The following TTC28 variants were observed in gnomAD, a reference collection of about 807,000 sequenced individuals.
TTC28 encodes the protein tetratricopeptide repeat domain 28.
TTC28 carries 61 observed loss-of-function variants against 198.0 expected under a neutral mutation model. The ratio of observed to expected loss-of-function variants is 0.31; its 90% confidence interval spans 0.25 to 0.38. The LOEUF is 0.38. TTC28 is among the 10% of genes least tolerant of loss of function. The pLI is 1.00. For missense variants in TTC28, 2,678 were observed against 3,164.0 expected (o/e 0.85, Z 3.69); for synonymous variants, 1,171 against 1,297.8 (o/e 0.90, Z 2.10).
intron 2 of TTC28, among the ~76,000 whole-genome samples, chr22:28,485,299 G>A (rs1486075576): frequency 6.6e-6 from 1 of 152,124 alleles, no homozygotes; most frequent in East Asian, 1.9e-4. Flanking sequence ...TTAGTTACAT[G>A]AAAGTCAACA....
intron 2 of TTC28, among the ~76,000 whole-genome samples, chr22:28,612,458 G>A (rs2050835010): frequency 6.6e-6 from 1 of 152,132 alleles, no homozygotes. Flanking sequence ...CTTGAACTCA[G>A]CTCTGGACCA....
At chr22:28,089,715 A>T (rs187667317) in intron 12 of TTC28, among the ~76,000 whole-genome samples, 8 of 150,924 alleles carry the variant, frequency 5.3e-5, no homozygotes, top group Admixed American at 1.3e-4. Context: ...TAAAAAAAAT[A>T]AAGGTTTTCA....
intron 6 of TTC28, among the ~76,000 whole-genome samples, chr22:28,152,339 C>T (rs1371377861): frequency 6.6e-6 from 1 of 152,112 alleles, no homozygotes; most frequent in Non-Finnish European, 1.5e-5. Flanking sequence ...CCTTTTTCAT[C>T]TTCTTGTGGA....
At chr22:28,263,866 T>C (rs561907774) in intron 5 of TTC28, among the ~76,000 whole-genome samples, 1 of 152,090 alleles carries the variant, frequency 6.6e-6, no homozygotes, top group Non-Finnish European at 1.5e-5. Context: ...AATTAGGAGC[T>C]GGATCACAGA....
intron 5 of TTC28, among the ~76,000 whole-genome samples, chr22:28,213,601 T>C (rs1288706792): frequency 2.5e-5 from 3 of 122,076 alleles, no homozygotes; most frequent in Non-Finnish European, 5.0e-5. Flanking sequence ...CAAGGAGAAC[T>C]ACAAACCACT....
At chr22:28,190,401 G>C (rs2147124729) in intron 5 of TTC28, among the ~76,000 whole-genome samples, 1 of 152,308 alleles carries the variant, frequency 6.6e-6, no homozygotes, top group South Asian at 2.1e-4. Flanking sequence ...TCCAGCTCAA[G>C]ATCTTATGCT....
At chr22:28,376,412 T>G (rs1601710507) in intron 2 of TTC28, among the ~76,000 whole-genome samples, 1 of 152,228 alleles carries the variant, frequency 6.6e-6, no homozygotes, top group Non-Finnish European at 1.5e-5. Flanking sequence ...CTTCATTTTA[T>G]AGATGAGTAA....
Position 28,093,900 on chromosome 22 carries a change from C to T in TTC28, c.3932+180G>A, listed in dbSNP as rs142320610. ...AATCACCAAAAAGAATAAAGACAGA[C>T]CACTAAGGGGCTTACACTCCAGAGA... is the stretch of plus-strand genomic sequence containing the variant. On this transcript the variant is annotated intron_variant, in intron 12 of 22. Transcript: ENST00000397906. 1.2e-4 allele frequency among the ~76,000 whole-genome samples: 19 copies of T among 152,310 alleles called. No homozygotes were observed. The East Asian group carries it at 3.7e-3, about 29-fold the overall frequency.
At chr22:28,634,361 T>G (rs1437532384) in intron 1 of TTC28, among the ~76,000 whole-genome samples, 9 of 151,812 alleles carry the variant, frequency 5.9e-5, no homozygotes, top group Non-Finnish European at 1.3e-4. Flanking sequence ...AATACTAAAA[T>G]TAGCTGGCCG....
chr22:28,052,885 C>T (rs896711051), intron 12 of TTC28, among the ~76,000 whole-genome samples: 8 of 152,136 alleles, frequency 5.3e-5, no homozygotes, highest in Admixed American at 2.6e-4. Context: ...AAGTCTTCTC[C>T]GACACAACAG....
chr22:28,541,481 C>T (rs1051595495), intron 2 of TTC28, among the ~76,000 whole-genome samples: 7 of 152,118 alleles, frequency 4.6e-5, no homozygotes, highest in Non-Finnish European at 8.8e-5. Context: ...AATTGCCTGC[C>T]AGAACAAAGC....
At chr22:28,517,910 T>C (rs1468825289) in intron 2 of TTC28, among the ~76,000 whole-genome samples, 1 of 152,138 alleles carries the variant, frequency 6.6e-6, no homozygotes, top group Non-Finnish European at 1.5e-5. Flanking sequence ...GAAGTTTTAA[T>C]TTTTTTAACA....
chr22:28,083,968 G>A (rs150578762), intron 12 of TTC28, among the ~76,000 whole-genome samples: 4,889 of 152,376 alleles, frequency 0.032, 148 homozygotes, highest in Non-Finnish European at 0.047. Context: ...TGTGGGAGGG[G>A]CGCCTGCCAT....
At chr22:28,142,925 G>A (rs1055932898) in intron 6 of TTC28, among the ~76,000 whole-genome samples, 2 of 152,174 alleles carry the variant, frequency 1.3e-5, no homozygotes, top group Non-Finnish European at 2.9e-5. Context: ...GTGCCTAAAT[G>A]TACATACAAC....
At chr22:28,063,987 G>T (rs567496731) in intron 12 of TTC28, among the ~76,000 whole-genome samples, 55 of 152,252 alleles carry the variant, frequency 3.6e-4, no homozygotes, top group Non-Finnish European at 6.0e-4. Flanking sequence ...TCTTGTATCT[G>T]CAGAGCATTT....
intron 13 of TTC28, among the ~76,000 whole-genome samples, chr22:28,017,776 G>A (rs957866696): frequency 5.9e-5 from 9 of 152,162 alleles, no homozygotes; most frequent in African/African-American, 2.2e-4. Context: ...TTGTTTCCTA[G>A]GGGATGAGCA....
chr22:28,138,209 G>A (rs1287342813), intron 6 of TTC28, among the ~76,000 whole-genome samples: 2 of 152,142 alleles, frequency 1.3e-5, no homozygotes, highest in Non-Finnish European at 1.5e-5. Context: ...CAATCAGCCA[G>A]AGTCTGAAGC....
chr22:27,988,263 C>T lies in TTC28; in HGVS notation c.5707+1615G>A, dbSNP rs533605009. ...CAAAACAGGTTAGACAGTGGGACCCCGAGCGAGAAGAAGCTTGCTTTTTTT... is the reference window on the plus strand; with the variant it reads ...CAAAACAGGTTAGACAGTGGGACCCTGAGCGAGAAGAAGCTTGCTTTTTTT... On this transcript the variant is annotated intron_variant, in intron 21 of 22. Transcript: ENST00000397906. Among the ~76,000 whole-genome samples, 12 of 149,070 alleles carry T rather than the reference C, an allele frequency of 8.0e-5. No individual in the cohort carries two copies. In the South Asian group the frequency reaches 2.1e-3, roughly 26 times the overall value.
At chr22:28,412,000 T>C (rs1384766894) in intron 2 of TTC28, among the ~76,000 whole-genome samples, 1 of 152,192 alleles carries the variant, frequency 6.6e-6, no homozygotes, top group Non-Finnish European at 1.5e-5. Flanking sequence ...GTAATAAAAA[T>C]ACTATGGTCA....
Sources: allele counts gnomAD v4.1 joint callset (sites outside exome capture counted in the v4.1 genomes callset), GRCh38; gene constraint gnomAD v4.1.1; transcripts MANE v1.5; gene names NCBI Gene and HGNC (gene_info 2026-07-23, HGNC 2026-07-21).